KCNIP4: variants seen among roughly 807,000 people sequenced by gnomAD.
KCNIP4 encodes potassium voltage-gated channel interacting protein 4.
KCNIP4 carries 12 observed loss-of-function variants against 34.0 expected under a neutral mutation model. The ratio of observed to expected loss-of-function variants is 0.35; its 90% CI spans 0.23 to 0.57. The LOEUF (loss-of-function observed/expected upper bound fraction) is 0.57, where lower values mean the gene tolerates loss of function less well. Ranked by LOEUF, KCNIP4 falls within the 20% of genes least tolerant of loss-of-function variation. The probability of loss-of-function intolerance (pLI) is 0.83; values close to 1 mark genes in which losing one functional copy is unlikely to be tolerated. For synonymous variants in KCNIP4, 124 were observed against 102.2 expected (o/e 1.21, Z -1.29); for missense variants, 238 against 311.7 (o/e 0.76, Z 1.78).
At chr4:21,811,403 T>C (rs775443562) in intron 1 of KCNIP4, among the ~76,000 whole-genome samples, 1 of 152,222 alleles carries the variant, frequency 6.6e-6, no homozygotes, top group Non-Finnish European at 1.5e-5. Flanking sequence ...CCATAGTTCA[T>C]GTCTAAAAGA....
intron 2 of KCNIP4, among the ~76,000 whole-genome samples, chr4:20,853,700 A>G (rs1577255363): frequency 6.6e-6 from 1 of 152,342 alleles, no homozygotes. Flanking sequence ...CAGTCAGCAG[A>G]GTAAACAGAC....
chr4:21,038,102 C>T (rs975364866), intron 1 of KCNIP4, among the ~76,000 whole-genome samples: 3 of 152,076 alleles, frequency 2.0e-5, no homozygotes, highest in Admixed American at 6.6e-5. Flanking sequence ...CTCAGCCTCC[C>T]GAGTAGCTGG....
intron 1 of KCNIP4, among the ~76,000 whole-genome samples, chr4:21,615,267 G>A (rs933249660): frequency 3.3e-5 from 5 of 152,036 alleles, no homozygotes; most frequent in Admixed American, 3.3e-4. Flanking sequence ...AGGGCCGGGC[G>A]CGGTGGCTCA....
chr4:21,818,464 CCT>C (rs1324679141), intron 1 of KCNIP4, among the ~76,000 whole-genome samples: 1 of 152,162 alleles, frequency 6.6e-6, no homozygotes, highest in Non-Finnish European at 1.5e-5. Flanking sequence ...ATTGAAAACC[CCT>C]GATACATATA....
chr4:21,589,328 G>GTATATATATACATGTACATATACACA (rs1577651357), intron 1 of KCNIP4, among the ~76,000 whole-genome samples: 5 of 142,720 alleles, frequency 3.5e-5, no homozygotes, highest in African/African-American at 5.2e-5. Flanking sequence ...ACATATACAC[G>GTATATATATACATGTACATATACACA]TGTATATATA....
At chr4:21,030,872 A>T (rs1017857825) in intron 1 of KCNIP4, among the ~76,000 whole-genome samples, 1 of 152,176 alleles carries the variant, frequency 6.6e-6, no homozygotes, top group Non-Finnish European at 1.5e-5. Flanking sequence ...TTACTGTAGC[A>T]GAAATATGAT....
At chr4:21,587,342 G>A (rs1163245225) in intron 1 of KCNIP4, among the ~76,000 whole-genome samples, 1 of 151,926 alleles carries the variant, frequency 6.6e-6, no homozygotes, top group African/African-American at 2.4e-5. Context: ...AATGAGGTAA[G>A]GGATATAAAA....
chr4:21,610,184 A>G lies in KCNIP4; in HGVS notation c.61+338387T>C, dbSNP rs138151906. 7.9e-3 allele frequency among the ~76,000 whole-genome samples: 1,201 copies of G among 152,380 alleles called. 8 individuals are homozygous for G. Among genetic ancestry groups the G allele is most frequent in the Non-Finnish European group, 0.014 (920 of 68,034 alleles). On this transcript the variant is annotated intron_variant, in intron 1 of 8. Coordinates refer to ENST00000382152, the MANE Select transcript of KCNIP4 (RefSeq NM_025221.6). ...TGGCTACTGTAACAAAACACTACAG[A>G]GTGAATGGATAAACCAGCAGAAATT...
At chr4:21,566,456 T>C (rs1204655292) in intron 1 of KCNIP4, among the ~76,000 whole-genome samples, 2 of 152,056 alleles carry the variant, frequency 1.3e-5, no homozygotes, top group East Asian at 1.9e-4. Flanking sequence ...TGTTTAAAAG[T>C]TTATAGCACC....
chr4:21,918,956 T>C (rs909990466), intron 1 of KCNIP4, among the ~76,000 whole-genome samples: 3 of 152,138 alleles, frequency 2.0e-5, no homozygotes, highest in African/African-American at 7.2e-5. Context: ...AAGTATATCC[T>C]TACCTATAAT....
intron 1 of KCNIP4, among the ~76,000 whole-genome samples, chr4:21,824,457 C>T (rs1722553340): frequency 6.6e-6 from 1 of 152,148 alleles, no homozygotes; most frequent in African/African-American, 2.4e-5. Flanking sequence ...AACCTGCATT[C>T]TGATGCACCA....
intron 3 of KCNIP4, among the ~76,000 whole-genome samples, chr4:20,806,077 G>A (rs895470506): frequency 6.6e-6 from 1 of 151,692 alleles, no homozygotes; most frequent in Non-Finnish European, 1.5e-5. Context: ...GTTTCCTTTG[G>A]GGGGGCTTTC....
chr4:21,713,329 A>G (rs1052709761), intron 1 of KCNIP4, among the ~76,000 whole-genome samples: 1 of 152,196 alleles, frequency 6.6e-6, no homozygotes, highest in Non-Finnish European at 1.5e-5. Flanking sequence ...AGTCAGGAGG[A>G]AGCATCTAAA....
chr4:21,373,416 T>G (rs1720671601), intron 1 of KCNIP4, among the ~76,000 whole-genome samples: 1 of 147,624 alleles, frequency 6.8e-6, no homozygotes, highest in Admixed American at 6.6e-5. Context: ...TTAATACAAC[T>G]TTCAACTAAA....
chr4:20,911,887 T>C (rs1728361776), intron 1 of KCNIP4, among the ~76,000 whole-genome samples: 1 of 152,224 alleles, frequency 6.6e-6, no homozygotes, highest in Non-Finnish European at 1.5e-5. Flanking sequence ...TATAGAGGAA[T>C]TTTTGCCTTC....
At chr4:21,779,124 A>T (rs536492365) in intron 1 of KCNIP4, among the ~76,000 whole-genome samples, 12 of 152,276 alleles carry the variant, frequency 7.9e-5, no homozygotes, top group Admixed American at 5.2e-4. Context: ...CTGTGATGAA[A>T]AAAAAAGTAT....
At chr4:21,584,882 G>A (rs1019754952) in intron 1 of KCNIP4, among the ~76,000 whole-genome samples, 3 of 152,070 alleles carry the variant, frequency 2.0e-5, no homozygotes, top group African/African-American at 7.2e-5. Context: ...CTTTGTAGAG[G>A]AGCAATATAC....
intron 4 of KCNIP4, among the ~76,000 whole-genome samples, chr4:20,750,193 T>C (rs780838881): frequency 2.6e-5 from 4 of 152,170 alleles, no homozygotes; most frequent in Non-Finnish European, 5.9e-5. Flanking sequence ...GAAAATGATA[T>C]TGGGAATTAG....
intron 1 of KCNIP4, among the ~76,000 whole-genome samples, chr4:21,360,685 A>G (rs1411464845): frequency 6.6e-6 from 1 of 152,100 alleles, no homozygotes; most frequent in African/African-American, 2.4e-5. Flanking sequence ...TGTGTTTCTA[A>G]AAATTCCCCA....
Sources: allele counts gnomAD v4.1 joint callset (sites outside exome capture counted in the v4.1 genomes callset), GRCh38; gene constraint gnomAD v4.1.1; transcripts MANE v1.5; gene names NCBI Gene and HGNC (gene_info 2026-07-23, HGNC 2026-07-21).